The following NRCAM variants were observed in gnomAD, a reference collection of about 807,000 sequenced individuals.
The protein encoded by NRCAM is NgCAM-related cell adhesion molecule.
Under a neutral mutation model 156.5 loss-of-function variants are expected in NRCAM, and 83 were observed. The observed-to-expected ratio is 0.53, with a 90% CI of 0.44 to 0.64. NRCAM has a LOEUF of 0.64. Among genes scored for constraint, NRCAM ranks in the 30% least tolerant of loss-of-function variants. The pLI is 0.00. For synonymous variants in NRCAM, 538 were observed against 563.9 expected, an observed-to-expected ratio of 0.95 and a Z score of 0.65; for missense variants, 1,417 against 1,597.3, an observed-to-expected ratio of 0.89 and a Z score of 1.92.
intron 15 of NRCAM, among the ~76,000 whole-genome samples, chr7:108,195,343 G>A (rs2074370046): frequency 6.6e-6 from 1 of 152,160 alleles, no homozygotes; most frequent in African/African-American, 2.4e-5. Context: ...AACAGTGTAG[G>A]CCAAGCACAG....
chr7:108,166,436 C>T (rs996408057), intron 30 of NRCAM, among the ~76,000 whole-genome samples: 6 of 151,634 alleles, frequency 4.0e-5, no homozygotes, highest in Admixed American at 6.6e-5. Context: ...TTAGTAGAGA[C>T]GGGGTTTCAT....
intron 3 of NRCAM, among the ~76,000 whole-genome samples, chr7:108,270,730 T>A (rs578009955): frequency 3.9e-5 from 6 of 152,322 alleles, no homozygotes; most frequent in African/African-American, 1.4e-4. Context: ...GGAAGAAAAT[T>A]CTGATACTGA....
At chr7:108,246,831 C>T (rs1481270592) in intron 3 of NRCAM, among the ~76,000 whole-genome samples, 1 of 152,116 alleles carries the variant, frequency 6.6e-6, no homozygotes, top group Non-Finnish European at 1.5e-5. Flanking sequence ...CATTGGTGGC[C>T]CCAGGAAGCA....
intron 1 of NRCAM, among the ~76,000 whole-genome samples, chr7:108,424,725 T>G (rs906164664): frequency 4.6e-5 from 7 of 152,170 alleles, no homozygotes; most frequent in Non-Finnish European, 1.0e-4. Flanking sequence ...GGGGAAAGAA[T>G]GTACTGGAAA....
At chr7:108,251,212 A>C (rs559690576) in intron 3 of NRCAM, among the ~76,000 whole-genome samples, 1 of 152,322 alleles carries the variant, frequency 6.6e-6, no homozygotes, top group South Asian at 2.1e-4. Flanking sequence ...AAAAAGTGAG[A>C]TAAGGAGGAC....
chr7:108,151,385 TAA>T (rs1351393125), intron 32 of NRCAM, among the ~76,000 whole-genome samples: 1 of 152,144 alleles, frequency 6.6e-6, no homozygotes, highest in Non-Finnish European at 1.5e-5. Flanking sequence ...CAATTTCTGC[TAA>T]GACTTTACTG....
intron 2 of NRCAM, among the ~76,000 whole-genome samples, chr7:108,397,979 T>C (rs2099781750): frequency 6.6e-6 from 1 of 152,198 alleles, no homozygotes; most frequent in South Asian, 2.1e-4. Context: ...ATGTGGTAAG[T>C]TGTGCTTTCA....
At chr7:108,340,303 G>A (rs949177629) in intron 2 of NRCAM, among the ~76,000 whole-genome samples, 13 of 152,170 alleles carry the variant, frequency 8.5e-5, no homozygotes, top group African/African-American at 2.7e-4. Flanking sequence ...CAGCCAGAGT[G>A]CATGTACCTT....
At chr7:108,352,119 T>C (rs1026847981) in intron 2 of NRCAM, among the ~76,000 whole-genome samples, 4 of 152,176 alleles carry the variant, frequency 2.6e-5, no homozygotes, top group Non-Finnish European at 5.9e-5. Flanking sequence ...TATTCCTTCC[T>C]CTAAGAATTG....
At chr7:108,317,561 C>T (rs929604179) in intron 2 of NRCAM, among the ~76,000 whole-genome samples, 1 of 152,042 alleles carries the variant, frequency 6.6e-6, no homozygotes, top group Non-Finnish European at 1.5e-5. Context: ...GAACATAAAA[C>T]AAATACAGAA....
chr7:108,391,530 T>C (rs1222498856), intron 2 of NRCAM, among the ~76,000 whole-genome samples: 2 of 152,034 alleles, frequency 1.3e-5, no homozygotes, highest in African/African-American at 2.4e-5. Flanking sequence ...CTTTATCCAA[T>C]TTGCCAGTCT....
chr7:108,414,742 C>T (rs79955351), intron 1 of NRCAM, among the ~76,000 whole-genome samples: 254 of 152,230 alleles, frequency 1.7e-3, no homozygotes, highest in African/African-American at 5.9e-3. Flanking sequence ...ATCTCACCCA[C>T]GGCAGACTGC....
chr7:108,410,090 AAG>A (rs1205177559), intron 1 of NRCAM, among the ~76,000 whole-genome samples: 9 of 152,220 alleles, frequency 5.9e-5, no homozygotes, highest in Admixed American at 2.0e-4. Flanking sequence ...TTCCTGACTC[AAG>A]AGACTCTCAA....
chr7:108,447,548 G>A (rs1406558081), intron 1 of NRCAM, among the ~76,000 whole-genome samples: 8 of 151,404 alleles, frequency 5.3e-5, no homozygotes, highest in African/African-American at 1.7e-4. Flanking sequence ...GGAACTACAG[G>A]TGTGAGCCAC....
At chr7:108,321,986 C>G (rs1422331596) in intron 2 of NRCAM, among the ~76,000 whole-genome samples, 1 of 152,164 alleles carries the variant, frequency 6.6e-6, no homozygotes, top group East Asian at 1.9e-4. Context: ...AGAATGAATG[C>G]ATTTCCTTAA....
intron 2 of NRCAM, among the ~76,000 whole-genome samples, chr7:108,345,929 G>C (rs2154280570): frequency 6.6e-6 from 1 of 152,328 alleles, no homozygotes; most frequent in East Asian, 1.9e-4. Context: ...CGATGGCAGA[G>C]AGCAGATAAA....
chr7:108,328,890 A>G (rs138164742), intron 2 of NRCAM, among the ~76,000 whole-genome samples: 1 of 152,132 alleles, frequency 6.6e-6, no homozygotes, highest in Non-Finnish European at 1.5e-5. Context: ...CTGGGTTTTT[A>G]TTCCTTTTGA....
intron 1 of NRCAM, among the ~76,000 whole-genome samples, chr7:108,449,082 A>G (rs928524303): frequency 3.3e-5 from 5 of 152,228 alleles, no homozygotes; most frequent in Admixed American, 1.3e-4. Context: ...ACACAGTCCA[A>G]TGTTTTAATG....
chr7:108,198,377 T>C (rs1245162783), intron 13 of NRCAM, among the ~76,000 whole-genome samples: 1 of 152,176 alleles, frequency 6.6e-6, no homozygotes, highest in African/African-American at 2.4e-5. Flanking sequence ...ACCTTTCCAT[T>C]CACTTGCCCC....
Sources: gnomAD v4.1 joint callset for allele counts (sites outside exome capture counted in the v4.1 genomes callset) on GRCh38, gnomAD v4.1.1 for gene constraint, MANE v1.5 for transcripts, NCBI Gene and HGNC (gene_info 2026-07-23, HGNC 2026-07-21) for gene names.